SLC45A4: variants seen among roughly 807,000 people sequenced by gnomAD.
SLC45A4 encodes polyamine-transporter SLC45A4.
A neutral mutation model predicts 63.7 loss-of-function variants in SLC45A4; 32 were observed. That is an observed-to-expected ratio of 0.50 (90% CI 0.38 to 0.67). The LOEUF is 0.67. Among genes scored for constraint, SLC45A4 ranks in the 30% least tolerant of loss-of-function variants. The pLI is 0.00. For missense variants in SLC45A4, 1,027 were observed against 1,157.7 expected, an observed-to-expected ratio of 0.89 and a Z score of 1.64; for synonymous variants, 535 against 510.0, an observed-to-expected ratio of 1.05 and a Z score of -0.66.
chr8:141,273,259 A>T (rs1406404966), intron 1 of SLC45A4, among the ~76,000 whole-genome samples: 2 of 152,206 alleles, frequency 1.3e-5, no homozygotes, highest in Non-Finnish European at 2.9e-5. Flanking sequence ...AGAGGCAATG[A>T]GGGGTGTGCC....
At chr8:141,219,168 G>A (rs1327627103) in intron 4 of SLC45A4, 139 bp from the exon 5 acceptor site, 3 of 1,001,588 alleles carry the variant, frequency 3.0e-6, no homozygotes, top group Non-Finnish European at 4.3e-6. Flanking sequence ...GGAGAAAGCA[G>A]TAGGAAAACA....
At chr8:141,272,856 G>A (rs1589839112) in intron 1 of SLC45A4, among the ~76,000 whole-genome samples, 1 of 152,220 alleles carries the variant, frequency 6.6e-6, no homozygotes, top group South Asian at 2.1e-4. Context: ...GCAAAGGCCA[G>A]TGACAATTTA....
intron 1 of SLC45A4, chr8:141,292,654 T>G (rs1045305039): frequency 6.6e-6 from 1 of 152,518 alleles, no homozygotes; most frequent in East Asian, 1.9e-4. Context: ...CGACCCTCGG[T>G]CCAGTCCTTC....
intron 3 of SLC45A4, among the ~76,000 whole-genome samples, chr8:141,220,085 G>A (rs1245215297): frequency 2.0e-5 from 3 of 152,192 alleles, no homozygotes; most frequent in African/African-American, 4.8e-5. Flanking sequence ...GGGTTTACGC[G>A]CCCTTGATGT....
At chr8:141,230,473 G>C (rs1827284183) in intron 2 of SLC45A4, 1 of 198,040 alleles carries the variant, frequency 5.0e-6, no homozygotes, top group African/African-American at 2.4e-5. Context: ...CTGTGCCGGA[G>C]AGGGGTCCTG....
chr8:141,306,592 T>G (rs1478429150), intron 1 of SLC45A4, among the ~76,000 whole-genome samples: 7 of 152,238 alleles, frequency 4.6e-5, no homozygotes, highest in African/African-American at 1.7e-4. Flanking sequence ...CCTGCTCTGA[T>G]CCCCATGTGT....
chr8:141,239,671 C>T (rs895520821), intron 2 of SLC45A4, among the ~76,000 whole-genome samples: 2 of 152,138 alleles, frequency 1.3e-5, no homozygotes, highest in Non-Finnish European at 2.9e-5. Flanking sequence ...TCAATTCTTG[C>T]CAAAGATGTG....
intron 2 of SLC45A4, among the ~76,000 whole-genome samples, chr8:141,223,203 C>T (rs1826762993): frequency 6.6e-6 from 1 of 152,196 alleles, no homozygotes; most frequent in Non-Finnish European, 1.5e-5. Context: ...TTGCTTTGAC[C>T]TTTGCACTGC....
rs760632552 is a variant in SLC45A4 at position 141,228,388 on chromosome 8, C to A, written c.242-6623G>T. The A allele has an allele frequency of 3.5e-4, 527 of 1,507,146 alleles. 1 individual carries two copies. Among genetic ancestry groups the A allele is most frequent in the Non-Finnish European group, 4.5e-4 (503 of 1,128,358 alleles). 93.4% of individuals were successfully genotyped at this position (1,507,146 alleles called of 1,614,324 possible). On this transcript the variant is annotated intron_variant, in intron 2 of 8. Transcript: ENST00000517878. ...GCCTGGCTAGAGGCCCCTGGCCAGA[C>A]CCAAGCAGGACGCTGGCGCTCCAGA...
At chr8:141,216,041 C>T in intron 6 of SLC45A4, 71 bp from the exon 7 acceptor site, 2 of 1,365,648 alleles carry the variant, frequency 1.5e-6, no homozygotes, top group Admixed American at 1.9e-5. Flanking sequence ...CTCCACCATC[C>T]CTCCCCTCGC....
At chr8:141,291,287 GAT>G (rs1830337995) in intron 1 of SLC45A4, among the ~76,000 whole-genome samples, 4 of 152,194 alleles carry the variant, frequency 2.6e-5, no homozygotes, top group African/African-American at 9.7e-5. Flanking sequence ...ACCCAGAAAA[GAT>G]AGAGAACCAG....
intron 4 of SLC45A4, 127 bp downstream of exon 4, chr8:141,219,523 G>T: frequency 8.4e-7 from 1 of 1,195,028 alleles, no homozygotes; most frequent in Non-Finnish European, 1.1e-6. Flanking sequence ...CTAAGACCCT[G>T]CCCACTGCCT....
rs1389497763 is a variant in SLC45A4 at position 141,211,628 on chromosome 8, A to G, written c.2371T>C (p.Phe791Leu). 2 of 1,612,162 alleles carry G rather than the reference A, an allele frequency of 1.2e-6. No homozygotes were observed. The highest frequency in any genetic ancestry group is 8.5e-7 in the Non-Finnish European group (1 of 1,179,474). ...TTTTTTCTAAAATAATCATAAAGAA[A>G]AATACTCTCCAACAGCTGCGGCACC... ...WLVPQLLESI[F>L]LYDYFRKKIF... is the part of the protein sequence containing the mutation. Residue 791 changes from phenylalanine (F) to leucine (L), a missense_variant, in exon 9 of 9, where the codon TTT becomes CTT. Phe to Leu is a conservative substitution (Grantham distance 22). Transcript: ENST00000517878.
rs762649788 is a variant in SLC45A4 at position 141,211,552 on chromosome 8, AAAG to A, written c.*17_*19del. 2.5e-6 allele frequency: 4 copies of A among 1,613,426 alleles called. No individual in the cohort carries two copies. The highest frequency in any genetic ancestry group is 3.4e-6 in the Non-Finnish European group (4 of 1,179,956). On this transcript the variant is annotated 3_prime_UTR_variant, in exon 9 of 9. Coordinates refer to ENST00000517878, the MANE Select transcript of SLC45A4 (RefSeq NM_001286646.2). ...CACAATGTGTCCAACTCGCTGAGGA[AAAG>A]AAGATACGTCATTCTTCTAAGAGAA...
intron 2 of SLC45A4, among the ~76,000 whole-genome samples, chr8:141,235,229 C>T (rs1754147303): frequency 1.3e-5 from 2 of 152,226 alleles, no homozygotes; most frequent in Non-Finnish European, 2.9e-5. Context: ...GCACTGACTG[C>T]TCAAATGCCA....
intron 6 of SLC45A4, among the ~76,000 whole-genome samples, 170 bp from the exon 7 acceptor site, chr8:141,216,140 T>G (rs1404360707): frequency 6.6e-6 from 1 of 152,080 alleles, no homozygotes; most frequent in Non-Finnish European, 1.5e-5. Context: ...GGCACGTATT[T>G]GTAGCTCACG....
At chr8:141,271,857 ACACACG>A (rs1829539535) in intron 1 of SLC45A4, among the ~76,000 whole-genome samples, 3 of 152,014 alleles carry the variant, frequency 2.0e-5, no homozygotes, top group African/African-American at 4.8e-5. Flanking sequence ...GTACACACAC[ACACACG>A]CACTCACACA....
In SLC45A4 at chr8:141,218,414, G is replaced by T; in HGVS notation, c.1226C>A (p.Ser409Ter). Reference sequence around the variant, plus strand: ...GTGCCGCCGCCGCCGCATGGAGCTCGACGTGGCCGAGGGCTTCGTGTCCAC... The same window carrying T: ...GTGCCGCCGCCGCCGCATGGAGCTCTACGTGGCCGAGGGCTTCGTGTCCAC... ...TRVDTKPSAT[S>*]SSMRRRRHAF... is the part of the protein sequence containing the mutation. Residue 409 changes from serine to a stop codon, truncating the protein, a stop_gained, in exon 5 of 9, where the codon TCG becomes TAG. Transcript: ENST00000517878. LOFTEE classifies it high-confidence loss of function. The T allele has an allele frequency of 6.2e-7, 1 of 1,610,862 alleles. No individual in the cohort carries two copies. Among genetic ancestry groups the T allele is most frequent in the Non-Finnish European group, 8.5e-7 (1 of 1,179,912 alleles).
rs1220498133 is a variant in SLC45A4, at chr8:141,209,307, T to C, written c.*2265A>G. On this transcript the variant is annotated 3_prime_UTR_variant, in exon 9 of 9. Coordinates refer to ENST00000517878, the MANE Select transcript of SLC45A4 (RefSeq NM_001286646.2). ...AAGACAGCCTGCCCGTCTGCCCTTC[T>C]TCTCGGCTTCCCTTAAGACACAAGG... The C allele has an allele frequency of 6.6e-6, 1 of 152,424 alleles. No homozygotes were observed. Among genetic ancestry groups the C allele is most frequent in the Non-Finnish European group, 1.5e-5 (1 of 68,156 alleles). 9.4% of individuals were successfully genotyped at this position (152,424 alleles called of 1,614,324 possible).
Sources: gnomAD v4.1 joint callset for allele counts (sites outside exome capture counted in the v4.1 genomes callset) on GRCh38, gnomAD v4.1.1 for gene constraint, MANE v1.5 for transcripts, NCBI Gene and HGNC (gene_info 2026-07-23, HGNC 2026-07-21) for gene names.